CTTNBP2: variants seen among roughly 807,000 people sequenced by gnomAD.
CTTNBP2 encodes the protein cortactin binding protein 2.
CTTNBP2 carries 108 observed loss-of-function variants against 156.9 expected under a neutral mutation model. That is an observed-to-expected ratio of 0.69 (90% CI 0.59 to 0.81). CTTNBP2 has a LOEUF of 0.81. CTTNBP2 is among the 30% of genes least tolerant of loss of function. The pLI, the probability that CTTNBP2 is intolerant of heterozygous loss-of-function variation, is 0.00. For missense variants in CTTNBP2, 1,924 were observed against 2,035.4 expected (o/e 0.95, Z 1.05); for synonymous variants, 767 against 751.8 (o/e 1.02, Z -0.33).
At chr7:117,777,484 G>C (rs370579864) in intron 8 of CTTNBP2, 27 bp downstream of exon 8, 13 of 1,598,806 alleles carry the variant, frequency 8.1e-6, no homozygotes, top group South Asian at 2.2e-5. Flanking sequence ...ACAGCTGCAT[G>C]ATGAGGCCAG....
chr7:117,720,179 T>C (rs1361084994), intron 20 of CTTNBP2, among the ~76,000 whole-genome samples: 1 of 145,068 alleles, frequency 6.9e-6, no homozygotes. Flanking sequence ...GTTTCCTTCA[T>C]CTCCCTTCTC....
At chr7:117,867,808 C>T (rs541345997) in intron 1 of CTTNBP2, among the ~76,000 whole-genome samples, 5 of 152,324 alleles carry the variant, frequency 3.3e-5, no homozygotes, top group Non-Finnish European at 7.3e-5. Context: ...GGTGTCAGCT[C>T]TCCAAGGTCA....
intron 2 of CTTNBP2, among the ~76,000 whole-genome samples, chr7:117,820,951 T>C (rs1800926502): frequency 6.6e-6 from 1 of 152,182 alleles, no homozygotes; most frequent in Non-Finnish European, 1.5e-5. Flanking sequence ...CATAAAAGCT[T>C]TGTTTTGAAT....
intron 16 of CTTNBP2, 46 bp from the exon 17 acceptor site, chr7:117,728,313 TTTG>T (rs776413702): frequency 2.3e-5 from 34 of 1,457,888 alleles, no homozygotes; most frequent in South Asian, 7.7e-5. Context: ...TTTAGAACAT[TTTG>T]TTTTTAGAAG....
intron 3 of CTTNBP2, among the ~76,000 whole-genome samples, chr7:117,801,095 T>TA (rs1799582727): frequency 6.6e-6 from 1 of 152,010 alleles, no homozygotes; most frequent in South Asian, 2.1e-4. Flanking sequence ...ACTGATGTAA[T>TA]AAACAAGTAA....
chr7:117,802,480 CA>C (rs1202847917), intron 3 of CTTNBP2, among the ~76,000 whole-genome samples: 13 of 100,726 alleles, frequency 1.3e-4, no homozygotes, highest in East Asian at 3.5e-4. Context: ...AACAAAAAAA[CA>C]AAAAAAAAGT....
chr7:117,731,750 G>A (rs999944438), intron 16 of CTTNBP2, among the ~76,000 whole-genome samples: 5 of 152,166 alleles, frequency 3.3e-5, no homozygotes, highest in African/African-American at 9.7e-5. Context: ...GGAAGTCGGC[G>A]GGGGAAGCCC....
At chr7:117,729,967 GA>G (rs1274205342) in intron 16 of CTTNBP2, among the ~76,000 whole-genome samples, 1 of 152,162 alleles carries the variant, frequency 6.6e-6, no homozygotes, top group Non-Finnish European at 1.5e-5. Context: ...GGTCAAAATG[GA>G]TGCTGATGTT....
At chr7:117,843,750 C>T (rs930365298) in intron 2 of CTTNBP2, among the ~76,000 whole-genome samples, 41 of 152,054 alleles carry the variant, frequency 2.7e-4, no homozygotes, top group Admixed American at 2.3e-3. Flanking sequence ...AAACAGAAAC[C>T]GGAGTGGGGC....
chr7:117,835,155 C>T (rs1038556559), intron 2 of CTTNBP2, among the ~76,000 whole-genome samples: 5 of 152,212 alleles, frequency 3.3e-5, no homozygotes, highest in Admixed American at 6.5e-5. Flanking sequence ...CCACAGGGGA[C>T]GGCTGAAGTT....
intron 12 of CTTNBP2, among the ~76,000 whole-genome samples, chr7:117,755,962 T>C (rs1307400825): frequency 6.6e-6 from 1 of 152,150 alleles, no homozygotes; most frequent in Non-Finnish European, 1.5e-5. Context: ...GGTGACTACC[T>C]TTGACCAAGC....
At chr7:117,734,136 C>T (rs1219250784) in intron 16 of CTTNBP2, among the ~76,000 whole-genome samples, 3 of 152,112 alleles carry the variant, frequency 2.0e-5, no homozygotes, top group South Asian at 2.1e-4. Flanking sequence ...GGACCTGAGA[C>T]GTTGGACACC....
chr7:117,731,908 A>T (rs1408024728), intron 16 of CTTNBP2, among the ~76,000 whole-genome samples: 1 of 152,218 alleles, frequency 6.6e-6, no homozygotes, highest in African/African-American at 2.4e-5. Flanking sequence ...TCAATTTTTA[A>T]ACATGAATTC....
At chr7:117,819,391 A>T (rs1338613997) in intron 2 of CTTNBP2, among the ~76,000 whole-genome samples, 18 of 151,324 alleles carry the variant, frequency 1.2e-4, no homozygotes, top group African/African-American at 3.2e-4. Context: ...ACACACACAC[A>T]CACACACACA....
chr7:117,873,215 C>T (rs1804749629), intron 1 of CTTNBP2, 120 bp downstream of exon 1: 2 of 738,084 alleles, frequency 2.7e-6, no homozygotes, highest in South Asian at 4.4e-5. Flanking sequence ...GAAGGGGCAC[C>T]GGAGAGTCCC....
At chr7:117,824,817 G>A (rs907987931) in intron 2 of CTTNBP2, among the ~76,000 whole-genome samples, 1 of 152,104 alleles carries the variant, frequency 6.6e-6, no homozygotes, top group Non-Finnish European at 1.5e-5. Context: ...CAAGACAGAT[G>A]GTATCTAAAA....
intron 12 of CTTNBP2, 65 bp downstream of exon 12, chr7:117,756,490 G>A: frequency 8.0e-7 from 1 of 1,252,674 alleles, no homozygotes. Context: ...CATAAAAATG[G>A]GCCACCCAAT....
intron 3 of CTTNBP2, among the ~76,000 whole-genome samples, chr7:117,806,448 G>A (rs996383335): frequency 2.6e-5 from 4 of 152,182 alleles, no homozygotes; most frequent in African/African-American, 9.6e-5. Flanking sequence ...CCATACTCTT[G>A]ATTGCTCTCC....
At chr7:117,739,193 G>A (rs1008882510) in intron 14 of CTTNBP2, among the ~76,000 whole-genome samples, 1 of 152,136 alleles carries the variant, frequency 6.6e-6, no homozygotes, top group Non-Finnish European at 1.5e-5. Flanking sequence ...GAAATAGTAC[G>A]TGTCTAGTTC....
Sources: allele counts gnomAD v4.1 joint callset (sites outside exome capture counted in the v4.1 genomes callset), GRCh38; gene constraint gnomAD v4.1.1; transcripts MANE v1.5; gene names NCBI Gene and HGNC (gene_info 2026-07-23, HGNC 2026-07-21).